TENM2: variants seen among roughly 807,000 people sequenced by gnomAD.
TENM2 encodes teneurin-2.
In TENM2, 52 loss-of-function variants were observed where a neutral mutation model predicts 245.2. That is an observed-to-expected ratio of 0.21 (90% CI 0.17 to 0.27). The LOEUF is 0.27. Among genes scored for constraint, TENM2 ranks in the 10% least tolerant of loss-of-function variants. The pLI, the probability that TENM2 is intolerant of heterozygous loss-of-function variation, is 1.00. For synonymous variants in TENM2, 1,363 were observed against 1,438.9 expected (o/e 0.95, Z 1.19); for missense variants, 3,046 against 3,666.8 (o/e 0.83, Z 4.37).
intron 4 of TENM2, among the ~76,000 whole-genome samples, chr5:167,975,572 A>G (rs1305505348): frequency 6.6e-6 from 1 of 152,130 alleles, no homozygotes; most frequent in Non-Finnish European, 1.5e-5. Context: ...TGAGTGTCCA[A>G]CAGATATATG....
intron 3 of TENM2, among the ~76,000 whole-genome samples, chr5:167,893,563 T>G (rs1774933069): frequency 6.6e-6 from 1 of 152,236 alleles, no homozygotes; most frequent in African/African-American, 2.4e-5. Flanking sequence ...ATATGCTTCG[T>G]TGCTAGTATT....
rs200645251 is a variant in TENM2, at chr5:167,895,027, GAGGC to G, written c.712+18836_712+18839del. Reference sequence around the variant, plus strand: ...GAAGGAAGGGAGGGAGGGAGGGAGGGAGGCAGGGAGGACGGAAAACTTAGAAAAG... The same window carrying G: ...GAAGGAAGGGAGGGAGGGAGGGAGGGAGGGAGGACGGAAAACTTAGAAAAG... On this transcript the variant is annotated intron_variant, in intron 3 of 28. Transcript: ENST00000518659. 7.6e-4 allele frequency among the ~76,000 whole-genome samples: 104 copies of G among 137,644 alleles called. 2 individuals carry two copies. The East Asian group carries it at 0.021, about 28-fold the overall frequency. The allele number at this position is 137,644 out of a possible 152,430, so 90.3% of individuals were successfully genotyped here.
intron 13 of TENM2, among the ~76,000 whole-genome samples, chr5:168,185,461 C>G (rs1040063095): frequency 2.0e-5 from 3 of 152,112 alleles, no homozygotes; most frequent in Admixed American, 1.3e-4. Flanking sequence ...TGATCATCAT[C>G]ATCATCAACA....
chr5:167,050,092 AG>A, the TENM2 span, among the ~76,000 whole-genome samples: 37 of 152,136 alleles, frequency 2.4e-4, no homozygotes, highest in Admixed American at 4.6e-4. Flanking sequence ...CAACCTGGCT[AG>A]TACTTAGAGT....
intron 4 of TENM2, among the ~76,000 whole-genome samples, chr5:167,984,254 G>A (rs928802721): frequency 1.3e-5 from 2 of 152,194 alleles, no homozygotes; most frequent in African/African-American, 4.8e-5. Context: ...TAATCATGAT[G>A]ATGACAATGA....
chr5:167,467,852 A>G (rs1486409698), intron 2 of TENM2, among the ~76,000 whole-genome samples: 2 of 152,178 alleles, frequency 1.3e-5, no homozygotes, highest in Non-Finnish European at 2.9e-5. Flanking sequence ...GTTACCTCAT[A>G]TATTTGTGGA....
intron 5 of TENM2, among the ~76,000 whole-genome samples, chr5:167,995,265 A>G (rs765454849): frequency 6.6e-6 from 1 of 152,226 alleles, no homozygotes. Context: ...GAAACCGTAT[A>G]GTGAGAGTTT....
intron 2 of TENM2, among the ~76,000 whole-genome samples, chr5:167,647,283 G>A (rs1780027031): frequency 6.6e-6 from 1 of 152,142 alleles, no homozygotes; most frequent in Non-Finnish European, 1.5e-5. Context: ...GCCATTGACA[G>A]AGACTGTTGA....
At chr5:167,252,622 T>C in the TENM2 span, among the ~76,000 whole-genome samples, 1 of 152,128 alleles carries the variant, frequency 6.6e-6, no homozygotes, top group Admixed American at 6.6e-5. Flanking sequence ...TTTCCATTCG[T>C]GGCTCTCAGG....
At chr5:168,027,217 G>A (rs141828514) in intron 5 of TENM2, among the ~76,000 whole-genome samples, 293 of 152,126 alleles carry the variant, frequency 1.9e-3, no homozygotes, top group African/African-American at 6.3e-3. Context: ...TACTGATCAT[G>A]GGGCTGTGGG....
At chr5:167,576,441 T>C (rs1274025180) in intron 2 of TENM2, among the ~76,000 whole-genome samples, 1 of 152,188 alleles carries the variant, frequency 6.6e-6, no homozygotes, top group East Asian at 1.9e-4. Flanking sequence ...ATTTGCTAAT[T>C]AATGAATTAT....
In TENM2 at chr5:167,884,553, C is replaced by T. The variant is rs184603178; in HGVS notation, c.712+8358C>T. 4.9e-3 allele frequency among the ~76,000 whole-genome samples: 747 copies of T among 152,288 alleles called. 4 individuals carry two copies. Among genetic ancestry groups the T allele is most frequent in the Admixed American group, 0.023 (354 of 15,298 alleles). On this transcript the variant is annotated intron_variant, in intron 3 of 28. Coordinates refer to ENST00000518659, the Ensembl canonical transcript of TENM2. The stretch of plus-strand genomic sequence containing the variant: ...TAGCATAATGTCTTCAAGTTTCATC[C>T]ATGTTGTAGCATGTAATTCTACAGG...
intron 2 of TENM2, among the ~76,000 whole-genome samples, chr5:167,824,098 A>G (rs543391358): frequency 6.6e-6 from 1 of 152,336 alleles, no homozygotes; most frequent in South Asian, 2.1e-4. Flanking sequence ...TGGAGGCCAG[A>G]GGCATCGCCT....
intron 25 of TENM2, among the ~76,000 whole-genome samples, chr5:168,236,569 G>A (rs1765441703): frequency 6.6e-6 from 1 of 152,084 alleles, no homozygotes; most frequent in Admixed American, 6.5e-5. Context: ...TCCCAGCTCT[G>A]GTTCCACATC....
intron 2 of TENM2, among the ~76,000 whole-genome samples, chr5:167,404,971 C>G (rs1762552726): frequency 6.6e-6 from 1 of 152,086 alleles, no homozygotes; most frequent in Non-Finnish European, 1.5e-5. Context: ...AAGCAGCATC[C>G]ATCAATCTAC....
intron 2 of TENM2, among the ~76,000 whole-genome samples, chr5:167,674,735 T>A (rs17068972): frequency 0.36 from 54,480 of 151,942 alleles, 13,351 homozygotes; most frequent in East Asian, 0.91. Context: ...AGAATGTGGA[T>A]CGTGCAAGAG....
At chr5:167,908,361 C>CCTCTTCTCCTCTCCCCTCCCTTCCCCT (rs1310185823) in intron 3 of TENM2, among the ~76,000 whole-genome samples, 1 of 93,898 alleles carries the variant, frequency 1.1e-5, no homozygotes, top group Non-Finnish European at 2.2e-5. Context: ...TCCCCTCCCC[C>CCTCTTCTCCTCTCCCCTCCCTTCCCCT]CTCTTCTCCT....
intron 2 of TENM2, among the ~76,000 whole-genome samples, chr5:167,682,667 A>G (rs1424885067): frequency 1.3e-5 from 2 of 152,072 alleles, no homozygotes; most frequent in Non-Finnish European, 2.9e-5. Flanking sequence ...ATTTATATGT[A>G]CAGGCAGAGC....
intron 14 of TENM2, among the ~76,000 whole-genome samples, chr5:168,192,873 G>A (rs1180620333): frequency 6.6e-6 from 1 of 152,158 alleles, no homozygotes; most frequent in Non-Finnish European, 1.5e-5. Context: ...GTTTCAATCT[G>A]CTTCCTCATT....
Sources: allele counts gnomAD v4.1 joint callset (sites outside exome capture counted in the v4.1 genomes callset), GRCh38; gene constraint gnomAD v4.1.1; transcripts MANE v1.5; gene names NCBI Gene and HGNC (gene_info 2026-07-23, HGNC 2026-07-21).